The following IGF1 variants were observed in gnomAD, a reference collection of about 807,000 sequenced individuals.
IGF1 encodes insulin like growth factor 1.
Under a neutral mutation model 13.8 loss-of-function variants are expected in IGF1, and 4 were observed. The observed-to-expected ratio is 0.29, with a 90% CI of 0.14 to 0.66. IGF1 has a LOEUF of 0.66. IGF1 is among the 30% of genes least tolerant of loss of function. IGF1 has a pLI of 0.78. For synonymous variants in IGF1, 76 were observed against 72.6 expected (o/e 1.05, Z -0.23); for missense variants, 124 against 188.5 (o/e 0.66, Z 2.00).
chr12:102,452,187 G>C (rs1462491667), intron 2 of IGF1, among the ~76,000 whole-genome samples: 4 of 148,022 alleles, frequency 2.7e-5, no homozygotes, highest in Non-Finnish European at 5.9e-5. Context: ...GCGTGAACCC[G>C]GGAGGCGGAG....
At chr12:102,449,965 T>C (rs1041067508) in intron 2 of IGF1, among the ~76,000 whole-genome samples, 1 of 152,004 alleles carries the variant, frequency 6.6e-6, no homozygotes, top group Non-Finnish European at 1.5e-5. Context: ...TCCAGTAGCA[T>C]AGAGAGAGGG....
chr12:102,419,789 A>G (rs1181161838), intron 2 of IGF1, 99 bp from the exon 3 acceptor site: 4 of 1,121,338 alleles, frequency 3.6e-6, no homozygotes, highest in Non-Finnish European at 5.3e-6. Context: ...GTCAACCTAC[A>G]TATTCTGCAA....
At chr12:102,416,694 G>A (rs1227445956) in intron 3 of IGF1, among the ~76,000 whole-genome samples, 1 of 152,188 alleles carries the variant, frequency 6.6e-6, no homozygotes, top group African/African-American at 2.4e-5. Flanking sequence ...TATAAAAATA[G>A]ATCTGTGGTG....
intron 2 of IGF1, among the ~76,000 whole-genome samples, 195 bp from the exon 3 acceptor site, chr12:102,419,885 CCA>C (rs1875553647): frequency 6.6e-6 from 1 of 152,156 alleles, no homozygotes; most frequent in South Asian, 2.1e-4. Flanking sequence ...GGAGTCTGTA[CCA>C]CACTCATTAG....
At chr12:102,450,239 G>A (rs910011825) in intron 2 of IGF1, among the ~76,000 whole-genome samples, 3 of 152,068 alleles carry the variant, frequency 2.0e-5, no homozygotes, top group African/African-American at 7.2e-5. Context: ...CTTATTTGCT[G>A]CTCAAAGCTA....
chr12:102,469,368 A>G (rs748594157), intron 2 of IGF1, among the ~76,000 whole-genome samples: 11 of 152,156 alleles, frequency 7.2e-5, no homozygotes, highest in Non-Finnish European at 1.3e-4. Context: ...GAAGAGGAAG[A>G]AGATTTGAAG....
At chr12:102,424,325 T>C (rs1013135284) in intron 2 of IGF1, among the ~76,000 whole-genome samples, 5 of 151,908 alleles carry the variant, frequency 3.3e-5, no homozygotes, top group African/African-American at 1.2e-4. Context: ...TGTTCAATTA[T>C]ATGTCTGATA....
intron 2 of IGF1, among the ~76,000 whole-genome samples, chr12:102,429,803 C>T (rs568909702): frequency 6.6e-6 from 1 of 152,310 alleles, no homozygotes; most frequent in South Asian, 2.1e-4. Flanking sequence ...CATCACTCTG[C>T]TTTGGGATCC....
chr12:102,452,044 C>T (rs1404237108), intron 2 of IGF1, among the ~76,000 whole-genome samples: 1 of 151,998 alleles, frequency 6.6e-6, no homozygotes, highest in African/African-American at 2.4e-5. Flanking sequence ...GGGCGGATCA[C>T]GAGGTTAGAA....
intron 2 of IGF1, among the ~76,000 whole-genome samples, chr12:102,423,345 T>C (rs1875913746): frequency 6.6e-6 from 1 of 150,962 alleles, no homozygotes; most frequent in South Asian, 2.1e-4. Flanking sequence ...AGTTCTGTTG[T>C]ACTGGCATGA....
intron 3 of IGF1, among the ~76,000 whole-genome samples, chr12:102,413,655 GCATTT>G (rs751340559): frequency 7.9e-5 from 12 of 152,156 alleles, no homozygotes; most frequent in Non-Finnish European, 1.5e-4. Context: ...GAAATATCCT[GCATTT>G]CTATTTATTT....
intron 2 of IGF1, among the ~76,000 whole-genome samples, chr12:102,472,158 T>C (rs1369968902): frequency 6.6e-6 from 1 of 152,138 alleles, no homozygotes; most frequent in Admixed American, 6.5e-5. Flanking sequence ...TTCCCTATGA[T>C]GCATAGGAAA....
intron 3 of IGF1, chr12:102,418,030 T>C: frequency 6.2e-7 from 1 of 1,603,414 alleles, no homozygotes; most frequent in Non-Finnish European, 8.5e-7. Flanking sequence ...AATAATTGCA[T>C]TGAGAACAAG....
chr12:102,449,421 C>G (rs1217465278), intron 2 of IGF1, among the ~76,000 whole-genome samples: 1 of 151,874 alleles, frequency 6.6e-6, no homozygotes, highest in Non-Finnish European at 1.5e-5. Context: ...GAAGGGATAG[C>G]ATTAAGAGAA....
intron 2 of IGF1, among the ~76,000 whole-genome samples, chr12:102,443,916 T>TC (rs34903472): frequency 1.3e-5 from 2 of 151,958 alleles, no homozygotes; most frequent in African/African-American, 4.8e-5. Flanking sequence ...AACCTCTGCC[T>TC]CCCGGGGTTC....
intron 2 of IGF1, among the ~76,000 whole-genome samples, chr12:102,458,011 C>A (rs551568585): frequency 1.3e-5 from 2 of 152,228 alleles, no homozygotes; most frequent in South Asian, 4.1e-4. Context: ...TAATGACTTT[C>A]TTCTTCTTGG....
intron 2 of IGF1, among the ~76,000 whole-genome samples, chr12:102,421,982 C>T (rs893952162): frequency 2.0e-5 from 3 of 151,914 alleles, no homozygotes; most frequent in Admixed American, 1.3e-4. Flanking sequence ...CACCACATGT[C>T]GATTTCCTCT....
chr12:102,451,615 G>A (rs117064226), intron 2 of IGF1, among the ~76,000 whole-genome samples: 2,803 of 152,312 alleles, frequency 0.018, 42 homozygotes, highest in Non-Finnish European at 0.023. Context: ...AAAACTTGAG[G>A]AATATACTGT....
chr12:102,475,920 C>G (rs1880998958), intron 1 of IGF1, 121 bp from the exon 2 acceptor site: 1 of 1,036,832 alleles, frequency 9.6e-7, no homozygotes, highest in Non-Finnish European at 1.5e-6. Flanking sequence ...GACTACCCAG[C>G]ACAGAAGCCA....
Sources: gnomAD v4.1 joint callset for allele counts (sites outside exome capture counted in the v4.1 genomes callset) on GRCh38, gnomAD v4.1.1 for gene constraint, MANE v1.5 for transcripts, NCBI Gene and HGNC (gene_info 2026-07-23, HGNC 2026-07-21) for gene names.